The following GRIA4 variants were observed in gnomAD, a reference collection of about 807,000 sequenced individuals.
GRIA4 encodes glutamate receptor 4.
A neutral mutation model predicts 104.0 loss-of-function variants in GRIA4; 34 were observed. The ratio of observed to expected loss-of-function variants is 0.33; its 90% CI spans 0.25 to 0.44. The LOEUF is 0.44. GRIA4 is among the 20% of genes least tolerant of loss of function. The pLI is 1.00. For missense variants in GRIA4, 750 were observed against 1,096.5 expected (o/e 0.68, Z 4.46); for synonymous variants, 386 against 381.9 (o/e 1.01, Z -0.13).
intron 3 of GRIA4, among the ~76,000 whole-genome samples, chr11:105,615,946 T>C (rs922539323): frequency 1.3e-5 from 2 of 151,758 alleles, no homozygotes; most frequent in African/African-American, 4.8e-5. Flanking sequence ...TTCAGCTACA[T>C]TAGAAATCCT....
At chr11:105,675,007 AT>A (rs1467941954) in intron 3 of GRIA4, among the ~76,000 whole-genome samples, 1 of 151,842 alleles carries the variant, frequency 6.6e-6, no homozygotes, top group Non-Finnish European at 1.5e-5. Flanking sequence ...CATGGAGAAC[AT>A]TTTTTAAGTA....
intron 3 of GRIA4, among the ~76,000 whole-genome samples, chr11:105,620,290 AT>A (rs751016086): frequency 2.0e-4 from 30 of 150,412 alleles, no homozygotes; most frequent in Non-Finnish European, 4.0e-4. Context: ...TGTGTGCCAG[AT>A]TTTGTGATCT....
intron 4 of GRIA4, among the ~76,000 whole-genome samples, chr11:105,859,068 C>T (rs1945123527): frequency 1.3e-5 from 2 of 152,090 alleles, no homozygotes; most frequent in African/African-American, 2.4e-5. Flanking sequence ...AATAGTATGA[C>T]TTGACTTATG....
chr11:105,736,857 A>G (rs931606634), intron 3 of GRIA4, among the ~76,000 whole-genome samples: 7 of 152,130 alleles, frequency 4.6e-5, no homozygotes, highest in African/African-American at 9.6e-5. Context: ...GATTAAGATT[A>G]TAGTGATTAT....
At chr11:105,620,033 A>G (rs191123729) in intron 3 of GRIA4, among the ~76,000 whole-genome samples, 4 of 151,928 alleles carry the variant, frequency 2.6e-5, no homozygotes, top group Non-Finnish European at 5.9e-5. Context: ...CTTACTATCC[A>G]AAGTGTTACA....
Position 105,979,639 on chromosome 11 carries a change from A to G in GRIA4, c.2609A>G (p.Asn870Ser). 6.2e-7 allele frequency: 1 copy of G among 1,613,900 alleles called. No individual in the cohort carries two copies. The highest frequency in any genetic ancestry group is 1.1e-5 in the South Asian group (1 of 91,078). ...RLSITGSVGE[N>S]GRVLTPDCPK... ...TCCATCACTGGGAGTGTGGGAGAGAATGGCCGCGTCTTGACGCCTGACTGC... is the reference window on the plus strand; with the variant it reads ...TCCATCACTGGGAGTGTGGGAGAGAGTGGCCGCGTCTTGACGCCTGACTGC... Residue 870 changes from asparagine (N) to serine (S), a missense_variant, in exon 17 of 17, where the codon AAT becomes AGT. Transcript: ENST00000282499.
chr11:105,924,181 C>T (rs117402213), intron 11 of GRIA4, among the ~76,000 whole-genome samples: 1,683 of 152,224 alleles, frequency 0.011, 14 homozygotes, highest in Non-Finnish European at 0.017. Flanking sequence ...TATCTAATTA[C>T]TGGAACATAT....
chr11:105,752,401 G>T (rs931883812), intron 3 of GRIA4, among the ~76,000 whole-genome samples: 8 of 152,118 alleles, frequency 5.3e-5, no homozygotes, highest in African/African-American at 7.2e-5. Flanking sequence ...TTTCAAACAT[G>T]ATTCAAGGAG....
At position 105,974,537 on chromosome 11, in the gene GRIA4, C is replaced by T. The variant is rs186295021; in HGVS notation, c.2544+93C>T. The T allele has an allele frequency of 1.6e-3, 2,620 of 1,613,412 alleles. 5 individuals are homozygous for T. Among genetic ancestry groups the T allele is most frequent in the Middle Eastern group, 2.6e-3 (16 of 6,058 alleles). ...GAGAAGGTTACAACGTATATGGAAC[C>T]GAAAGTATTAAAATTTAGGGGTAGG... On this transcript the variant is annotated intron_variant, in intron 16 of 16. Transcript: ENST00000282499.
chr11:105,658,939 C>T (rs1951924885), intron 3 of GRIA4, among the ~76,000 whole-genome samples: 1 of 151,932 alleles, frequency 6.6e-6, no homozygotes, highest in Non-Finnish European at 1.5e-5. Flanking sequence ...AATCTCTTCT[C>T]CTTCCTAAAA....
chr11:105,789,763 A>G (rs1288867863), intron 4 of GRIA4, among the ~76,000 whole-genome samples: 1 of 152,208 alleles, frequency 6.6e-6, no homozygotes, highest in African/African-American at 2.4e-5. Flanking sequence ...TTTGATGTGA[A>G]GTGAAATTTA....
At position 105,863,642 on chromosome 11, in the gene GRIA4, G is replaced by C. The variant is rs527337597; in HGVS notation, c.672+1434G>C. On this transcript the variant is annotated intron_variant, in intron 5 of 16. Transcript: ENST00000282499. ...CCTCCCACTCCTGCCCCTGTATTGAGAGTTTGAGTTGTTTGACCTGAACAA... is the reference window on the plus strand; with the variant it reads ...CCTCCCACTCCTGCCCCTGTATTGACAGTTTGAGTTGTTTGACCTGAACAA... 2.6e-5 allele frequency among the ~76,000 whole-genome samples: 4 copies of C among 152,170 alleles called. No homozygotes were observed. In the East Asian group the frequency reaches 5.8e-4, roughly 22 times the overall value.
chr11:105,783,062 T>C (rs996260230), intron 4 of GRIA4, among the ~76,000 whole-genome samples: 1 of 152,232 alleles, frequency 6.6e-6, no homozygotes, highest in Non-Finnish European at 1.5e-5. Flanking sequence ...TACTCTAAGA[T>C]GAACTTAAAA....
rs1188300383 is a variant in GRIA4, at chr11:105,981,869, C to G, written c.*2130C>G. ...AGATTTCCATGGCTATCCACCACCC[C>G]CCTGCCTGTGAGACTGAGTTAGGTG... On this transcript the variant is annotated 3_prime_UTR_variant, in exon 17 of 17. Transcript: ENST00000282499. 6.5e-6 allele frequency: 1 copy of G among 152,776 alleles called. No individual in the cohort carries two copies. Among genetic ancestry groups the G allele is most frequent in the African/African-American group, 2.4e-5 (1 of 41,430 alleles). 9.5% of individuals were successfully genotyped at this position (152,776 alleles called of 1,614,324 possible).
chr11:105,641,051 C>A (rs1951344784), intron 3 of GRIA4, among the ~76,000 whole-genome samples: 1 of 151,914 alleles, frequency 6.6e-6, no homozygotes, highest in Admixed American at 6.6e-5. Context: ...TGCTCTATAG[C>A]TATTAATGAG....
intron 4 of GRIA4, among the ~76,000 whole-genome samples, chr11:105,783,544 A>G (rs113768741): frequency 1.3e-4 from 20 of 152,320 alleles, no homozygotes; most frequent in African/African-American, 4.3e-4. Context: ...GAAGGATTCA[A>G]CCAACCAGAA....
At chr11:105,657,261 C>T (rs1951872007) in intron 3 of GRIA4, among the ~76,000 whole-genome samples, 1 of 151,864 alleles carries the variant, frequency 6.6e-6, no homozygotes. Flanking sequence ...AACAAACAAG[C>T]TTTTCAAAAG....
At chr11:105,860,956 G>GAAAAAAAAAA (rs55824302) in intron 4 of GRIA4, among the ~76,000 whole-genome samples, 1 of 106,100 alleles carries the variant, frequency 9.4e-6, no homozygotes, top group African/African-American at 3.6e-5. Flanking sequence ...AAGACTGTCT[G>GAAAAAAAAAA]AAAAAAAAAA....
intron 4 of GRIA4, among the ~76,000 whole-genome samples, chr11:105,813,112 A>AAAAAAAAC (rs1565256572): frequency 6.9e-6 from 1 of 145,262 alleles, no homozygotes; most frequent in Non-Finnish European, 1.5e-5. Flanking sequence ...AAAAAAAAAA[A>AAAAAAAAC]AAAGAAGAAA....
Sources: gnomAD v4.1 joint callset for allele counts (sites outside exome capture counted in the v4.1 genomes callset) on GRCh38, gnomAD v4.1.1 for gene constraint, MANE v1.5 for transcripts, NCBI Gene and HGNC (gene_info 2026-07-23, HGNC 2026-07-21) for gene names.